PTPN1: variants seen among roughly 807,000 people sequenced by gnomAD.
PTPN1 encodes protein tyrosine phosphatase non-receptor type 1.
In PTPN1, 12 loss-of-function variants were observed where a neutral mutation model predicts 59.9. The observed-to-expected ratio is 0.20, with a 90% CI of 0.13 to 0.32. The LOEUF is 0.32. PTPN1 is among the 10% of genes least tolerant of loss of function. The pLI, the probability that PTPN1 is intolerant of heterozygous loss-of-function variation, is 1.00. For synonymous variants in PTPN1, 178 were observed against 203.6 expected (o/e 0.87, Z 1.07); for missense variants, 356 against 549.2 (o/e 0.65, Z 3.52).
At chr20:50,517,247 A>C (rs2082532578) in intron 1 of PTPN1, among the ~76,000 whole-genome samples, 3 of 152,062 alleles carry the variant, frequency 2.0e-5, no homozygotes, top group African/African-American at 7.2e-5. Flanking sequence ...AGTCCTTTTA[A>C]AGTTTATTTT....
At chr20:50,579,423 G>C in intron 7 of PTPN1, 94 bp downstream of exon 7, 1 of 1,374,862 alleles carries the variant, frequency 7.3e-7, no homozygotes, top group Admixed American at 2.1e-5. Context: ...AACACCGTCT[G>C]GTGTCAGGGG....
intron 1 of PTPN1, among the ~76,000 whole-genome samples, chr20:50,551,740 T>A (rs921613998): frequency 3.9e-5 from 6 of 152,204 alleles, no homozygotes; most frequent in Non-Finnish European, 7.3e-5. Flanking sequence ...AAATTTCTAA[T>A]TTAGTGTGAT....
intron 1 of PTPN1, chr20:50,557,824 TC>T (rs1414329468): frequency 6.6e-6 from 1 of 152,204 alleles, no homozygotes; most frequent in Non-Finnish European, 1.5e-5. Flanking sequence ...AACCTGGTGG[TC>T]CCCCATTCCC....
At chr20:50,545,227 A>G (rs2082669813) in intron 1 of PTPN1, among the ~76,000 whole-genome samples, 1 of 152,090 alleles carries the variant, frequency 6.6e-6, no homozygotes, top group Non-Finnish European at 1.5e-5. Flanking sequence ...AAGTGTTGGG[A>G]TTACAGGCAT....
chr20:50,565,440 G>A (rs2082774423), intron 3 of PTPN1, among the ~76,000 whole-genome samples: 1 of 152,228 alleles, frequency 6.6e-6, no homozygotes, highest in Admixed American at 6.5e-5. Flanking sequence ...ATCTAAGAAC[G>A]TTAGCAGTAG....
rs143550876 is a variant in PTPN1 at position 50,568,400 on chromosome 20, C to T, written c.276C>T (p.Cys92=). The T allele has an allele frequency of 3.0e-5, 49 of 1,613,866 alleles. No individual in the cohort carries two copies. The highest frequency in any genetic ancestry group is 1.3e-4 in the African/African-American group (10 of 74,900). The change falls in exon 4 of 10, where the codon TGC becomes TGT. Residue 92 remains cysteine (C), a synonymous_variant. Coordinates refer to ENST00000371621, the MANE Select transcript of PTPN1 (RefSeq NM_002827.4). The surrounding 1 kb of genome is among the most constrained non-coding windows in gnomAD (Gnocchi z 5.6). ...ILTQGPLPNT[C]GHFWEMVWEQ... ...TGCAGGGCCCTTTGCCTAACACATG[C>T]GGTCACTTTTGGGAGATGGTGTGGG...
At chr20:50,557,781 T>A (rs1011420847) in intron 1 of PTPN1, 3 of 152,208 alleles carry the variant, frequency 2.0e-5, no homozygotes, top group Non-Finnish European at 4.4e-5. Context: ...CCTGCTCCAT[T>A]TCCAACCTGG....
chr20:50,510,594 C>G lies in PTPN1; in HGVS notation c.63+4C>G. On this transcript the variant is annotated splice_donor_region_variant and intron_variant, in intron 1 of 9. Transcript: ENST00000371621. ...GAGCTGGGCGGCCATTTACCAGGTGCGGGAGCGCCCCGGAGCGTGGCGGGC... is the reference window on the plus strand; with the variant it reads ...GAGCTGGGCGGCCATTTACCAGGTGGGGGAGCGCCCCGGAGCGTGGCGGGC... 1 of 1,549,420 alleles carries G rather than the reference C, an allele frequency of 6.5e-7. No homozygotes were observed. The highest frequency in any genetic ancestry group is 1.2e-5 in the South Asian group (1 of 83,780).
At chr20:50,567,177 C>T (rs780243829) in intron 3 of PTPN1, among the ~76,000 whole-genome samples, 1 of 152,140 alleles carries the variant, frequency 6.6e-6, no homozygotes, top group Non-Finnish European at 1.5e-5. Context: ...CCTGTAATCC[C>T]AGCACTTTGG....
chr20:50,515,746 T>C (rs992871584), intron 1 of PTPN1, among the ~76,000 whole-genome samples: 9 of 152,206 alleles, frequency 5.9e-5, no homozygotes, highest in African/African-American at 2.2e-4. Flanking sequence ...GTCAGTACTT[T>C]GCTAGCCTGA....
intron 4 of PTPN1, chr20:50,572,939 G>A (rs1219556626): frequency 1.3e-5 from 2 of 152,184 alleles, no homozygotes; most frequent in Non-Finnish European, 2.9e-5. Flanking sequence ...GATCCAGGAA[G>A]GTGACATGGA....
chr20:50,510,911 C>G (rs1337646258), intron 1 of PTPN1, among the ~76,000 whole-genome samples: 1 of 152,078 alleles, frequency 6.6e-6, no homozygotes, highest in African/African-American at 2.4e-5. Context: ...CCCTGCCTGT[C>G]CACTCTTTGT....
intron 4 of PTPN1, 117 bp from the exon 5 acceptor site, chr20:50,574,381 GCTGACCATGGCTTCCATGT>G: frequency 1.1e-6 from 1 of 902,746 alleles, no homozygotes; most frequent in Non-Finnish European, 1.6e-6. Context: ...AGGCATCTGT[GCTGACCATGGCTTCCATGT>G]TCAGAAACCC....
intron 1 of PTPN1, among the ~76,000 whole-genome samples, chr20:50,529,560 A>C (rs967560881): frequency 1.3e-5 from 2 of 152,352 alleles, no homozygotes; most frequent in Admixed American, 1.3e-4. Context: ...TTCTGAGCAG[A>C]TGACACTTTT....
At chr20:50,574,398 T>C in intron 4 of PTPN1, 119 bp from the exon 5 acceptor site, 1 of 1,066,780 alleles carries the variant, frequency 9.4e-7, no homozygotes, top group Non-Finnish European at 1.3e-6. Flanking sequence ...ATGGCTTCCA[T>C]GTTCAGAAAC....
intron 1 of PTPN1, among the ~76,000 whole-genome samples, chr20:50,536,343 C>G (rs1311241297): frequency 2.0e-5 from 3 of 152,162 alleles, no homozygotes; most frequent in African/African-American, 7.2e-5. Context: ...AGGCGGTGTG[C>G]TGATCAGAAA....
chr20:50,548,818 T>C (rs1317620888), intron 1 of PTPN1, among the ~76,000 whole-genome samples: 2 of 152,140 alleles, frequency 1.3e-5, no homozygotes, highest in Admixed American at 6.5e-5. Flanking sequence ...CCTGGGTTCA[T>C]GCGATTCTCT....
intron 1 of PTPN1, among the ~76,000 whole-genome samples, chr20:50,525,002 T>A (rs1321013830): frequency 1.3e-5 from 2 of 152,218 alleles, no homozygotes; most frequent in African/African-American, 4.8e-5. Context: ...GTGATAAGAC[T>A]GAATTTTTAG....
chr20:50,545,479 T>A (rs1384679219), intron 1 of PTPN1, among the ~76,000 whole-genome samples: 1 of 152,222 alleles, frequency 6.6e-6, no homozygotes, highest in Non-Finnish European at 1.5e-5. Context: ...AAATTAGCGC[T>A]ATGTTAGTGG....
Sources: allele counts gnomAD v4.1 joint callset (sites outside exome capture counted in the v4.1 genomes callset), GRCh38; gene constraint gnomAD v4.1.1; non-coding constraint Gnocchi (gnomAD v3.1); transcripts MANE v1.5; gene names NCBI Gene and HGNC (gene_info 2026-07-23, HGNC 2026-07-21).